FAM240C: variants seen among roughly 807,000 people sequenced by gnomAD.
The protein encoded by FAM240C is protein FAM240C.
FAM240C carries 14 observed loss-of-function variants against 10.0 expected under a neutral mutation model. That is an observed-to-expected ratio of 1.40 (90% confidence interval 0.92 to 2.19). The LOEUF is 2.19. FAM240C is among the 30% of genes most tolerant of loss of function. FAM240C has a pLI of 0.00. For missense variants in FAM240C, 154 were observed against 122.3 expected, an observed-to-expected ratio of 1.26 and a Z score of -1.22; for synonymous variants, 49 against 44.3, an observed-to-expected ratio of 1.11 and a Z score of -0.42.
At chr2:241,896,526 G>T (rs1575419541) in intron 2 of FAM240C, among the ~76,000 whole-genome samples, 7 of 127,210 alleles carry the variant, frequency 5.5e-5, no homozygotes, top group East Asian at 2.1e-4. Context: ...TTGGGGTGTG[G>T]GTGTTGGGGT....
chr2:241,897,464 C>A, intron 1 of FAM240C, 130 bp from the exon 2 acceptor site: 1 of 1,070,374 alleles, frequency 9.3e-7, no homozygotes, highest in Non-Finnish European at 1.3e-6. Flanking sequence ...CTTCCTGGTT[C>A]GTGGGGGATG....
Position 241,894,003 on chromosome 2 carries a change from T to G in FAM240C, c.*210A>C. On this transcript the variant is annotated 3_prime_UTR_variant, in exon 3 of 3. Coordinates refer to ENST00000404031, the MANE Select transcript of FAM240C (RefSeq NM_001382368.1). ...AAACATTCAATCCAATTGACTTAGG[T>G]TTTATTGGGCACCAGAGATGCGCTA... is the stretch of plus-strand genomic sequence containing the variant. 2.2e-6 allele frequency: 1 copy of G among 462,982 alleles called. No individual in the cohort carries two copies. The highest frequency in any genetic ancestry group is 3.8e-6 in the Non-Finnish European group (1 of 264,184). The allele number at this position is 462,982 out of a possible 1,614,324, so 28.7% of individuals were successfully genotyped here.
intron 1 of FAM240C, chr2:241,899,414 G>C: frequency 1.1e-6 from 1 of 871,382 alleles, no homozygotes. Context: ...TGCCTGTGCT[G>C]AGGACGCTGG....
chr2:241,900,492 G>A (rs1701958170), upstream of FAM240C: 11 of 676,610 alleles, frequency 1.6e-5, no homozygotes, highest in Non-Finnish European at 1.1e-5. This position sits in a 1 kb window ranked among gnomAD's most constrained non-coding sequence, Gnocchi z 4.5. Flanking sequence ...CGCATGCTTG[G>A]CGTCGGTTCA....
intron 2 of FAM240C, 60 bp downstream of exon 2, chr2:241,897,126 C>T (rs986291486): frequency 9.0e-5 from 137 of 1,528,998 alleles, no homozygotes; most frequent in Admixed American, 4.7e-4. Flanking sequence ...GGCTGTGCCC[C>T]TGGGTGGCGA....
chr2:241,895,054 G>T (rs1701762044), intron 2 of FAM240C, among the ~76,000 whole-genome samples: 1 of 152,188 alleles, frequency 6.6e-6, no homozygotes, highest in Admixed American at 6.5e-5. Context: ...TGGGGTGGGT[G>T]CCCGGCTCCA....
chr2:241,897,076 G>A, intron 2 of FAM240C, 110 bp downstream of exon 2: 3 of 1,219,020 alleles, frequency 2.5e-6, no homozygotes, highest in Non-Finnish European at 3.4e-6. Flanking sequence ...TTTCATGGTG[G>A]GCTGAGGGCC....
Position 241,894,283 on chromosome 2 carries a change from G to C in FAM240C, c.218C>G (p.Pro73Arg). Reference sequence around the variant, plus strand: ...CGGGACCCTGTCTGGGCATCTCCCTGGGCCCTGCAGCATCTTGTTCCTCCC... The same window carrying C: ...CGGGACCCTGTCTGGGCATCTCCCTCGGCCCTGCAGCATCTTGTTCCTCCC... Reference protein sequence around the residue: ...LEGRNKMLQGPGRCPDRVPEA... With the variant: ...LEGRNKMLQGRGRCPDRVPEA... The change falls in exon 3 of 3, where the codon CCA (proline) becomes CGA (arginine). Residue 73 changes from proline (P) to arginine (R), a missense_variant. Pro to Arg is a moderately radical substitution (Grantham distance 103). Transcript: ENST00000404031. The C allele has an allele frequency of 6.5e-7, 1 of 1,549,736 alleles. No individual in the cohort carries two copies. Among genetic ancestry groups the C allele is most frequent in the Non-Finnish European group, 8.7e-7 (1 of 1,146,728 alleles).
upstream of FAM240C, among the ~76,000 whole-genome samples, chr2:241,901,137 C>T (rs1701972894): frequency 6.6e-6 from 1 of 152,206 alleles, no homozygotes. The surrounding 1 kb of genome is among the most constrained non-coding windows in gnomAD (Gnocchi z 4.9). Flanking sequence ...TGACGCCCAG[C>T]ACACGGGGGT....
chr2:241,898,614 GCC>G (rs66886431), intron 1 of FAM240C, among the ~76,000 whole-genome samples: 109,975 of 151,966 alleles, frequency 0.72, 40,139 homozygotes, highest in East Asian at 0.94. Context: ...GACAGCAGCA[GCC>G]CCTTTTCTGG....
chr2:241,896,452 G>A (rs904579438), intron 2 of FAM240C, among the ~76,000 whole-genome samples: 2 of 150,058 alleles, frequency 1.3e-5, no homozygotes, highest in African/African-American at 4.9e-5. Flanking sequence ...AAGTTCCTGT[G>A]ATCCTGGACG....
chr2:241,902,118 G>A (rs1701996637), upstream of FAM240C, among the ~76,000 whole-genome samples: 1 of 152,188 alleles, frequency 6.6e-6, no homozygotes, highest in Non-Finnish European at 1.5e-5. This position sits in a 1 kb window ranked among gnomAD's most constrained non-coding sequence, Gnocchi z 7.1. Flanking sequence ...GAATGCATTT[G>A]CCGCAGGCTG....
chr2:241,898,093 C>T (rs147931240), intron 1 of FAM240C, among the ~76,000 whole-genome samples: 18 of 152,312 alleles, frequency 1.2e-4, no homozygotes, highest in African/African-American at 4.3e-4. Flanking sequence ...ATATGTAAAC[C>T]CAGCAGTGGG....
intron 2 of FAM240C, among the ~76,000 whole-genome samples, chr2:241,895,924 C>T (rs1003860769): frequency 1.4e-5 from 2 of 138,474 alleles, no homozygotes; most frequent in South Asian, 5.1e-4. Context: ...AAGCACAGGG[C>T]GGGGATGAGG....
At position 241,897,239 on chromosome 2, in the gene FAM240C, G is replaced by T; in HGVS notation, c.108C>A (p.His36Gln). Residue 36 changes from histidine (H) to glutamine (Q), a missense_variant, in exon 2 of 3, where the codon CAC (histidine) becomes CAA (glutamine). By Grantham distance (24) the His-to-Gln change is conservative. Coordinates refer to ENST00000404031, the MANE Select transcript of FAM240C (RefSeq NM_001382368.1). ...KMFWEKKIEH[H>Q]ARHLQNEDIR... is the part of the protein sequence containing the mutation. ...TGTCCTCGTTCTGCAGGTGTCTTGC[G>T]TGATGCTCGATTTTTTTCTCCCAAA... 6.5e-7 allele frequency: 1 copy of T among 1,549,964 alleles called. No individual in the cohort carries two copies. Among genetic ancestry groups the T allele is most frequent in the Non-Finnish European group, 8.7e-7 (1 of 1,146,542 alleles).
chr2:241,900,341 C>T lies in FAM240C; in HGVS notation c.12+17G>A, dbSNP rs764706746. ...TCTCAAGCAAGGACAGCGCCTGTCACATCACAGAGAGCTTACTTTTCCAAC... is the reference window on the plus strand; with the variant it reads ...TCTCAAGCAAGGACAGCGCCTGTCATATCACAGAGAGCTTACTTTTCCAAC... On this transcript the variant is annotated intron_variant, in intron 1 of 2. Coordinates refer to ENST00000404031, the MANE Select transcript of FAM240C (RefSeq NM_001382368.1). The surrounding 1 kb of genome is among the most constrained non-coding windows in gnomAD (Gnocchi z 4.5). 3 of 717,344 alleles carry T rather than the reference C, an allele frequency of 4.2e-6. No homozygotes were observed. The South Asian group carries it at 4.4e-5, about 11-fold the overall frequency. The allele number at this position is 717,344 out of a possible 1,614,324, so 44.4% of individuals were successfully genotyped here.
chr2:241,895,491 G>A (rs1208330108), intron 2 of FAM240C, among the ~76,000 whole-genome samples: 2 of 152,226 alleles, frequency 1.3e-5, no homozygotes, highest in Admixed American at 6.5e-5. Flanking sequence ...CCTCTCTCAC[G>A]GCGGCTTCCT....
At chr2:241,902,514 G>A (rs1575423647), upstream of FAM240C, 1 of 153,346 alleles carries the variant, frequency 6.5e-6, no homozygotes, top group East Asian at 1.9e-4. The surrounding 1 kb of genome is among the most constrained non-coding windows in gnomAD (Gnocchi z 7.1). Flanking sequence ...CTGTGACGGT[G>A]AAGCCGGCGT....
In FAM240C at chr2:241,897,345, A is replaced by G; in HGVS notation, c.13-11T>C. On this transcript the variant is annotated splice_polypyrimidine_tract_variant and intron_variant, in intron 1 of 2. Coordinates refer to ENST00000404031, the MANE Select transcript of FAM240C (RefSeq NM_001382368.1). ...GCTTTTACTCATGTTCTGGAAAATAAAAAGTGGAGAAGAGCTCAGTCACCT... is the reference window on the plus strand; with the variant it reads ...GCTTTTACTCATGTTCTGGAAAATAGAAAGTGGAGAAGAGCTCAGTCACCT... 6.5e-7 allele frequency: 1 copy of G among 1,549,046 alleles called. No individual in the cohort carries two copies. Among genetic ancestry groups the G allele is most frequent in the Non-Finnish European group, 8.7e-7 (1 of 1,145,988 alleles).
Sources: gnomAD v4.1 joint callset for allele counts (sites outside exome capture counted in the v4.1 genomes callset) on GRCh38, gnomAD v4.1.1 for gene constraint, Gnocchi (gnomAD v3.1) non-coding constraint, MANE v1.5 for transcripts, NCBI Gene and HGNC (gene_info 2026-07-23, HGNC 2026-07-21) for gene names.